The following SLC41A1 variants were observed in gnomAD, a reference collection of about 807,000 sequenced individuals.
SLC41A1 encodes solute carrier family 41 (magnesium transporter), member 1.
SLC41A1 carries 20 observed loss-of-function variants against 47.3 expected under a neutral mutation model. The observed-to-expected ratio is 0.42, with a 90% CI of 0.30 to 0.61. SLC41A1 has a LOEUF of 0.61. Ranked by LOEUF, SLC41A1 falls within the 20% of genes least tolerant of loss-of-function variation. The probability of loss-of-function intolerance (pLI) is 0.17; values close to 1 mark genes in which losing one functional copy is unlikely to be tolerated. For synonymous variants in SLC41A1, 282 were observed against 272.7 expected, an observed-to-expected ratio of 1.03 and a Z score of -0.34; for missense variants, 504 against 674.1, an observed-to-expected ratio of 0.75 and a Z score of 2.79.
In SLC41A1 at chr1:205,791,430, C is replaced by A; in HGVS notation, c.*103G>T. 1 of 1,372,804 alleles carries A rather than the reference C, an allele frequency of 7.3e-7. No homozygotes were observed. The highest frequency in any genetic ancestry group is 1.2e-5 in the South Asian group (1 of 82,058). 85.0% of individuals were successfully genotyped at this position (1,372,804 alleles called of 1,614,324 possible). On this transcript the variant is annotated 3_prime_UTR_variant, in exon 11 of 11. Coordinates refer to ENST00000367137, the MANE Select transcript of SLC41A1 (RefSeq NM_173854.6). The surrounding 1 kb of genome is among the most constrained non-coding windows in gnomAD (Gnocchi z 4.0). ...TGAGAATTTGGTATCAAAGTGAAGT[C>A]CTAGAAAGAGGTGGGAGTGTGGGGT... is the stretch of plus-strand genomic sequence containing the variant.
In SLC41A1 at chr1:205,799,080, A is replaced by G. The variant is rs1446482081; in HGVS notation, c.574T>C (p.Phe192Leu). 2 of 1,612,430 alleles carry G rather than the reference A, an allele frequency of 1.2e-6. No individual in the cohort carries two copies. The highest frequency in any genetic ancestry group is 1.7e-6 in the Non-Finnish European group (2 of 1,179,904). Residue 192 changes from phenylalanine (F) to leucine (L), a missense_variant, in exon 5 of 11, where the codon TTC becomes CTC. Coordinates refer to ENST00000367137, the MANE Select transcript of SLC41A1 (RefSeq NM_173854.6). ...LIQVQATVVG[F>L]LASIAAVVFG... The stretch of plus-strand genomic sequence containing the variant: ...ACGACGGCTGCGATGGACGCCAGGA[A>G]GCCCACCACCGTGGCCTGCACCTGG...
In SLC41A1 at chr1:205,813,040, G is replaced by A; in HGVS notation, c.-879C>T. On this transcript the variant is annotated 5_prime_UTR_variant, in exon 1 of 11. Transcript: ENST00000367137. ...CGCCGCTCCGCTTCCACGCGGGGGA[G>A]GTGGCCGGGGAGGGCAGGATATATC... is the stretch of plus-strand genomic sequence containing the variant. 1 of 985,536 alleles carries A rather than the reference G, an allele frequency of 1.0e-6. No homozygotes were observed. The highest frequency in any genetic ancestry group is 1.2e-6 in the Non-Finnish European group (1 of 829,994). The allele number at this position is 985,536 out of a possible 1,614,324, so 61.0% of individuals were successfully genotyped here. A position where few individuals can be genotyped will look rare whatever the true frequency, so the allele number is the denominator to read the frequency against.
chr1:205,811,939 C>T (rs1571654590), intron 1 of SLC41A1, among the ~76,000 whole-genome samples: 2 of 152,162 alleles, frequency 1.3e-5, no homozygotes, highest in Admixed American at 6.5e-5. Flanking sequence ...TCCTGTTCCC[C>T]AGGGTTACTG....
At chr1:205,805,463 C>T (rs1334124458) in intron 2 of SLC41A1, among the ~76,000 whole-genome samples, 4 of 152,076 alleles carry the variant, frequency 2.6e-5, no homozygotes, top group African/African-American at 7.2e-5. Flanking sequence ...CAAATTCAGC[C>T]CCATCCTGTT....
chr1:205,812,777 C>G (rs1045879957), intron 1 of SLC41A1, 31 bp downstream of exon 1: 13 of 985,782 alleles, frequency 1.3e-5, no homozygotes, highest in East Asian at 1.1e-4. Context: ...TCCACCACCC[C>G]CTCCCCGCCC....
chr1:205,801,822 A>G (rs773549977), intron 2 of SLC41A1, among the ~76,000 whole-genome samples: 3 of 152,164 alleles, frequency 2.0e-5, no homozygotes, highest in Non-Finnish European at 4.4e-5. Flanking sequence ...GTTAACATCT[A>G]TTAAGGACTG....
Position 205,810,114 on chromosome 1 carries a change from C to T in SLC41A1, c.328G>A (p.Gly110Ser). 2 of 1,614,216 alleles carry T rather than the reference C, an allele frequency of 1.2e-6. No individual in the cohort carries two copies. The highest frequency in any genetic ancestry group is 1.7e-6 in the Non-Finnish European group (2 of 1,180,010). ...ATGCCAGCAGCCACGGTCCCAAAGCCTGCCAGGAGGAATGGAAACAGTACT... is the reference window on the plus strand; with the variant it reads ...ATGCCAGCAGCCACGGTCCCAAAGCTTGCCAGGAGGAATGGAAACAGTACT... ...LQVLFPFLLAGFGTVAAGMVL... is the reference protein window; with the variant it reads ...LQVLFPFLLASFGTVAAGMVL... The change falls in exon 2 of 11, where the codon GGC becomes AGC. Residue 110 changes from glycine to serine, a missense_variant. Transcript: ENST00000367137. This position sits in a 1 kb window ranked among gnomAD's most constrained non-coding sequence, Gnocchi z 5.5.
Position 205,798,029 on chromosome 1 carries a change from T to C in SLC41A1, c.867A>G (p.Pro289=). 1 of 1,613,556 alleles carries C rather than the reference T, an allele frequency of 6.2e-7. No individual in the cohort carries two copies. Among genetic ancestry groups the C allele is most frequent in the South Asian group, 1.1e-5 (1 of 91,024 alleles). Residue 289 remains proline, a synonymous_variant, in exon 7 of 11, where the codon CCA becomes CCG. Coordinates refer to ENST00000367137, the MANE Select transcript of SLC41A1 (RefSeq NM_173854.6). ...GGGCCACAAAGAAAGCACACACCAG[T>C]GGGTAGATGTATCGCCAGTGATCTG... ...LELNHWRYIY[P]LVCAFFVALL... is the part of the protein sequence containing the mutation.
chr1:205,810,418 C>T lies in SLC41A1; in HGVS notation c.24G>A (p.Lys8=). The part of the protein sequence containing the change: MSSKPEP[K]DVHQLNGTGP... ...CAGTCCCGTTCAGTTGGTGGACGTCCTTCGGCTCTGGCTTAGAGGACATGA... is the reference window on the plus strand; with the variant it reads ...CAGTCCCGTTCAGTTGGTGGACGTCTTTCGGCTCTGGCTTAGAGGACATGA... Residue 8 remains lysine, a synonymous_variant, in exon 2 of 11, where the codon AAG becomes AAA. Coordinates refer to ENST00000367137, the MANE Select transcript of SLC41A1 (RefSeq NM_173854.6). This position sits in a 1 kb window ranked among gnomAD's most constrained non-coding sequence, Gnocchi z 5.5. The T allele has an allele frequency of 6.2e-7, 1 of 1,614,224 alleles. No homozygotes were observed. Among genetic ancestry groups the T allele is most frequent in the Non-Finnish European group, 8.5e-7 (1 of 1,180,040 alleles).
chr1:205,813,093 G>T lies in SLC41A1; in HGVS notation c.-932C>A, dbSNP rs1218598320. The T allele has an allele frequency of 3.0e-6, 3 of 985,440 alleles. No homozygotes were observed. The African/African-American group carries it at 5.2e-5, about 17-fold the overall frequency. The allele number at this position is 985,440 out of a possible 1,614,324, so 61.0% of individuals were successfully genotyped here. A position where few individuals can be genotyped will look rare whatever the true frequency, so the allele number is the denominator to read the frequency against. On this transcript the variant is annotated 5_prime_UTR_variant, in exon 1 of 11. Transcript: ENST00000367137. ...TTCGGGCCCGGCGGGGGGGCACCCGGACGGGGGACCGGGGAGCCGAGCTCA... is the reference window on the plus strand; with the variant it reads ...TTCGGGCCCGGCGGGGGGGCACCCGTACGGGGGACCGGGGAGCCGAGCTCA...
intron 1 of SLC41A1, 105 bp downstream of exon 1, chr1:205,812,703 T>A (rs924926401): frequency 8.6e-5 from 84 of 979,458 alleles, no homozygotes; most frequent in Non-Finnish European, 9.7e-5. Context: ...AGTAACTGGG[T>A]GGCCTCCTCA....
chr1:205,807,457 G>A (rs1052102326), intron 2 of SLC41A1, among the ~76,000 whole-genome samples: 2 of 152,150 alleles, frequency 1.3e-5, no homozygotes, highest in Non-Finnish European at 2.9e-5. Flanking sequence ...AGTGGGGATG[G>A]GGCAACACAT....
chr1:205,807,042 T>A (rs751057255), intron 2 of SLC41A1, among the ~76,000 whole-genome samples: 1 of 152,132 alleles, frequency 6.6e-6, no homozygotes, highest in Non-Finnish European at 1.5e-5. Context: ...CTTCTCCAGA[T>A]GGCCCCATGG....
rs939227112 is a variant in SLC41A1, at chr1:205,791,103, C to G, written c.*430G>C. On this transcript the variant is annotated 3_prime_UTR_variant, in exon 11 of 11. Coordinates refer to ENST00000367137, the MANE Select transcript of SLC41A1 (RefSeq NM_173854.6). The surrounding 1 kb of genome is among the most constrained non-coding windows in gnomAD (Gnocchi z 4.0). ...TTACTTATTCTTCTGTCCCTCTGTT[C>G]AACCAAAACCAAAAATAAAACAAAA... 3.7e-6 allele frequency: 1 copy of G among 273,194 alleles called. No individual in the cohort carries two copies. Among genetic ancestry groups the G allele is most frequent in the African/African-American group, 2.2e-5 (1 of 44,566 alleles). The allele number at this position is 273,194 out of a possible 1,614,324, so 16.9% of individuals were successfully genotyped here.
At chr1:205,812,515 G>A (rs1656180833) in intron 1 of SLC41A1, among the ~76,000 whole-genome samples, 1 of 152,138 alleles carries the variant, frequency 6.6e-6, no homozygotes, top group Non-Finnish European at 1.5e-5. Flanking sequence ...ACCTGAGAGG[G>A]GGCTCCCAGG....
At position 205,791,483 on chromosome 1, in the gene SLC41A1, A is replaced by G; in HGVS notation, c.*50T>C. 4 of 1,612,814 alleles carry G rather than the reference A, an allele frequency of 2.5e-6. No homozygotes were observed. The highest frequency in any genetic ancestry group is 3.4e-6 in the Non-Finnish European group (4 of 1,179,174). ...AGGAGGGACAGGGGAACAAAAGAAA[A>G]ATTTCAAATAGAAAGTGCAGAGGGA... On this transcript the variant is annotated 3_prime_UTR_variant, in exon 11 of 11. Transcript: ENST00000367137. This position sits in a 1 kb window ranked among gnomAD's most constrained non-coding sequence, Gnocchi z 4.0.
chr1:205,805,555 G>A (rs1655997488), intron 2 of SLC41A1, among the ~76,000 whole-genome samples: 1 of 152,156 alleles, frequency 6.6e-6, no homozygotes, highest in Non-Finnish European at 1.5e-5. Context: ...TGATGGGGAT[G>A]AAAAAGGGCA....
chr1:205,795,595 T>C, intron 8 of SLC41A1, 117 bp from the exon 9 acceptor site: 1 of 1,339,988 alleles, frequency 7.5e-7, no homozygotes, highest in Non-Finnish European at 1.0e-6. Context: ...TGTCTTAATT[T>C]AGGGTCTATG....
intron 10 of SLC41A1, among the ~76,000 whole-genome samples, chr1:205,792,131 G>C (rs767484766): frequency 6.6e-5 from 10 of 152,164 alleles, no homozygotes; most frequent in Non-Finnish European, 1.3e-4. Flanking sequence ...ATGGCAGGGG[G>C]CTGGCTGCTG....
Sources: allele counts gnomAD v4.1 joint callset (sites outside exome capture counted in the v4.1 genomes callset), GRCh38; gene constraint gnomAD v4.1.1; non-coding constraint Gnocchi (gnomAD v3.1); transcripts MANE v1.5; gene names NCBI Gene and HGNC (gene_info 2026-07-23, HGNC 2026-07-21).